Variants in RIMOC1 observed in about 807,000 individuals in gnomAD.
RIMOC1 encodes the protein RAB7A interacting MON1-CCZ1 complex subunit 1, also known as RAB7A-interacting MON1-CCZ1 complex subunit 1.
the RIMOC1 span, chr5:41,917,011 C>G: frequency 2.2e-4 from 348 of 1,577,978 alleles, 2 homozygotes; most frequent in Middle Eastern, 3.7e-3. Context: ...AAATGACTTT[C>G]CCAGGAATAT....
At chr5:41,912,950 G>T in the RIMOC1 span, among the ~76,000 whole-genome samples, 5 of 152,180 alleles carry the variant, frequency 3.3e-5, no homozygotes, top group African/African-American at 1.2e-4. Flanking sequence ...ATCTCATCAT[G>T]TTCTTACCTT....
the RIMOC1 span, among the ~76,000 whole-genome samples, chr5:41,907,117 G>A: frequency 6.6e-6 from 1 of 152,160 alleles, no homozygotes; most frequent in Admixed American, 6.5e-5. Flanking sequence ...ATTGTGATTA[G>A]AGGACTTATT....
chr5:41,913,860 C>T, the RIMOC1 span, among the ~76,000 whole-genome samples: 2 of 152,108 alleles, frequency 1.3e-5, no homozygotes, highest in African/African-American at 4.8e-5. Flanking sequence ...GTGGGCATGA[C>T]ATTTTGACAA....
the RIMOC1 span, chr5:41,916,411 T>C: frequency 1.1e-6 from 1 of 941,018 alleles, no homozygotes; most frequent in Non-Finnish European, 1.3e-6. Context: ...AGTTCAACTT[T>C]TGATGAAAAT....
At chr5:41,913,763 C>T in the RIMOC1 span, among the ~76,000 whole-genome samples, 4 of 152,172 alleles carry the variant, frequency 2.6e-5, no homozygotes, top group East Asian at 7.7e-4. Flanking sequence ...TTTAAGTGAC[C>T]TGATGGCCAA....
chr5:41,912,762 G>A, the RIMOC1 span, among the ~76,000 whole-genome samples: 1 of 152,130 alleles, frequency 6.6e-6, no homozygotes, highest in African/African-American at 2.4e-5. Flanking sequence ...AACACCTGGG[G>A]ATTATGATTC....
At chr5:41,916,978 T>C in the RIMOC1 span, 2 of 1,513,722 alleles carry the variant, frequency 1.3e-6, no homozygotes, top group East Asian at 2.3e-5. Flanking sequence ...CTTTTTAAGC[T>C]TTTAATTCTA....
the RIMOC1 span, among the ~76,000 whole-genome samples, chr5:41,907,112 G>A: frequency 6.6e-6 from 1 of 152,152 alleles, no homozygotes; most frequent in Non-Finnish European, 1.5e-5. Context: ...GGTGAATTGT[G>A]ATTAGAGGAC....
chr5:41,904,877 C>T, the RIMOC1 span, among the ~76,000 whole-genome samples: 1 of 152,164 alleles, frequency 6.6e-6, no homozygotes, highest in African/African-American at 2.4e-5. Context: ...TCCACTTTTT[C>T]ATTGCTGCGT....
chr5:41,904,508 C>T, the RIMOC1 span: 34 of 1,577,092 alleles, frequency 2.2e-5, no homozygotes, highest in South Asian at 2.8e-4. Context: ...GGGCAGACGG[C>T]GCTAAGGTAC....
At chr5:41,914,607 A>G in the RIMOC1 span, among the ~76,000 whole-genome samples, 1 of 151,808 alleles carries the variant, frequency 6.6e-6, no homozygotes, top group Non-Finnish European at 1.5e-5. Flanking sequence ...AAAAACTAAA[A>G]AAAAAAAAAA....
the RIMOC1 span, chr5:41,911,263 TGG>T: frequency 3.1e-6 from 4 of 1,287,352 alleles, no homozygotes; most frequent in South Asian, 1.6e-5. Context: ...CTAAGAGTAG[TGG>T]ATCAAAGGGT....
the RIMOC1 span, chr5:41,909,741 TTTAGGCTA>T: frequency 6.6e-7 from 1 of 1,522,500 alleles, no homozygotes; most frequent in Non-Finnish European, 8.8e-7. Flanking sequence ...TTTTTTTTTT[TTTAGGCTA>T]TTTTGGACAT....
chr5:41,910,938 C>A, the RIMOC1 span: 3 of 1,264,486 alleles, frequency 2.4e-6, no homozygotes, highest in Non-Finnish European at 3.3e-6. Flanking sequence ...ACAAAGGGAA[C>A]ATTTTGTGAC....
At chr5:41,909,021 G>T in the RIMOC1 span, among the ~76,000 whole-genome samples, 1 of 152,070 alleles carries the variant, frequency 6.6e-6, no homozygotes, top group Non-Finnish European at 1.5e-5. Context: ...CTCCAACAAG[G>T]AACTTTGAAA....
chr5:41,908,864 G>A, the RIMOC1 span, among the ~76,000 whole-genome samples: 7 of 152,082 alleles, frequency 4.6e-5, no homozygotes, highest in African/African-American at 2.4e-5. Context: ...CCTTTCATAT[G>A]ATGATGAAAT....
the RIMOC1 span, among the ~76,000 whole-genome samples, chr5:41,912,710 C>G: frequency 3.3e-5 from 5 of 152,144 alleles, no homozygotes; most frequent in African/African-American, 1.2e-4. Flanking sequence ...ATGAGGGAAA[C>G]CACCCACATG....
the RIMOC1 span, chr5:41,921,586 A>G: frequency 1.3e-5 from 2 of 152,040 alleles, no homozygotes; most frequent in Non-Finnish European, 2.9e-5. Context: ...TTTCCAAGTA[A>G]ACTGTTATTG....
At chr5:41,914,761 C>T in the RIMOC1 span, among the ~76,000 whole-genome samples, 1 of 151,994 alleles carries the variant, frequency 6.6e-6, no homozygotes, top group Non-Finnish European at 1.5e-5. Flanking sequence ...CAGAGTGAGA[C>T]CCTGTCTGAG....
Sources: gnomAD v4.1 joint callset for allele counts (sites outside exome capture counted in the v4.1 genomes callset) on GRCh38, gnomAD v4.1.1 for gene constraint, MANE v1.5 for transcripts, NCBI Gene and HGNC (gene_info 2026-07-23, HGNC 2026-07-21) for gene names.